SAMD5: variants seen among roughly 807,000 people sequenced by gnomAD.
The protein encoded by SAMD5 is sterile alpha motif domain-containing protein 5.
In SAMD5, 13 loss-of-function variants were observed where a neutral mutation model predicts 11.3. That is an observed-to-expected ratio of 1.15 (90% confidence interval 0.75 to 1.83). The LOEUF (loss-of-function observed/expected upper bound fraction) is 1.83, where lower values mean the gene tolerates loss of function less well. Ranked by LOEUF, SAMD5 falls within the 40% of genes most tolerant of loss-of-function variation. The pLI is 0.00. For synonymous variants in SAMD5, 129 were observed against 111.3 expected (o/e 1.16, Z -1.00); for missense variants, 255 against 239.1 (o/e 1.07, Z -0.44).
chr6:147,679,682 C>T (rs1790913583), intron 1 of SAMD5, among the ~76,000 whole-genome samples: 2 of 151,716 alleles, frequency 1.3e-5, no homozygotes, highest in Admixed American at 6.6e-5. Context: ...TCTTTCTTTT[C>T]TTTGATCATC....
At chr6:147,901,611 G>C in the SAMD5 span, among the ~76,000 whole-genome samples, 48 of 101,834 alleles carry the variant, frequency 4.7e-4, no homozygotes, top group South Asian at 0.016. Flanking sequence ...CCAGAAATCT[G>C]CCAGTTTTCT....
At chr6:147,798,973 A>C in the SAMD5 span, among the ~76,000 whole-genome samples, 1 of 152,114 alleles carries the variant, frequency 6.6e-6, no homozygotes, top group Admixed American at 6.5e-5. Context: ...TCTACACGTG[A>C]GATGGATTTC....
rs140932163 is a variant in SAMD5 at position 147,678,333 on chromosome 6, CT to C, written c.163-58982del. Among the ~76,000 whole-genome samples the C allele has an allele frequency of 6.6e-3, 1,002 of 152,184 alleles. 10 individuals are homozygous for C. The highest frequency in any genetic ancestry group is 0.023 in the African/African-American group (958 of 41,520). ...TCTCATTGTTATGCTGTTATAGTGT[CT>C]TCATATTTTAAGGAATTTGCAATCA... On this transcript the variant is annotated intron_variant, in intron 1 of 1. Transcript: ENST00000566741.
At chr6:147,777,288 C>A in the SAMD5 span, among the ~76,000 whole-genome samples, 1 of 152,060 alleles carries the variant, frequency 6.6e-6, no homozygotes, top group East Asian at 1.9e-4. Context: ...ATGAGTCTTT[C>A]AAGGGCAAGG....
chr6:147,879,347 C>T, the SAMD5 span, among the ~76,000 whole-genome samples: 5 of 152,184 alleles, frequency 3.3e-5, no homozygotes, highest in Non-Finnish European at 5.9e-5. Context: ...TGGACTCCTC[C>T]GAGAGCAGAG....
intron 1 of SAMD5, among the ~76,000 whole-genome samples, chr6:147,556,339 GC>G (rs1336818416): frequency 6.6e-6 from 1 of 152,188 alleles, no homozygotes; most frequent in Non-Finnish European, 1.5e-5. Flanking sequence ...TGATCCACCT[GC>G]CTCAGCCTCC....
chr6:147,613,349 G>A (rs1048910095), intron 1 of SAMD5, among the ~76,000 whole-genome samples: 3 of 151,686 alleles, frequency 2.0e-5, no homozygotes, highest in Admixed American at 6.6e-5. Context: ...AATGACTTCT[G>A]AGAGCCCCAC....
chr6:147,580,527 A>C (rs1478145788), intron 1 of SAMD5, among the ~76,000 whole-genome samples: 2 of 152,216 alleles, frequency 1.3e-5, no homozygotes, highest in East Asian at 3.8e-4. Flanking sequence ...GTAATGATGG[A>C]AATGTTCTAT....
chr6:147,569,920 C>G lies in SAMD5; in HGVS notation c.*5464C>G. 1 of 984,862 alleles carries G rather than the reference C, an allele frequency of 1.0e-6. No homozygotes were observed. Among genetic ancestry groups the G allele is most frequent in the Non-Finnish European group, 1.2e-6 (1 of 829,506 alleles). The allele number at this position is 984,862 out of a possible 1,614,324, so 61.0% of individuals were successfully genotyped here. ...CGTTATGAGAAGGCACTATGAAAAG[C>G]CTAATTGGAATAGCATTATGAACCA... On this transcript the variant is annotated 3_prime_UTR_variant, in exon 2 of 2. Coordinates refer to ENST00000367474, the MANE Select transcript of SAMD5 (RefSeq NM_001030060.3).
At chr6:147,858,040 A>C in the SAMD5 span, among the ~76,000 whole-genome samples, 1 of 152,158 alleles carries the variant, frequency 6.6e-6, no homozygotes, top group Non-Finnish European at 1.5e-5. Context: ...TCTCAGAGGC[A>C]TTTTTGTGGC....
intron 1 of SAMD5, among the ~76,000 whole-genome samples, chr6:147,629,226 C>T (rs1027119426): frequency 6.6e-6 from 1 of 152,120 alleles, no homozygotes; most frequent in Non-Finnish European, 1.5e-5. Context: ...AGGAGAATTC[C>T]TTGAACCCAG....
chr6:147,531,735 T>C (rs149665007), intron 1 of SAMD5, among the ~76,000 whole-genome samples: 488 of 152,370 alleles, frequency 3.2e-3, no homozygotes, highest in African/African-American at 0.011. Context: ...ATGAAGTTGA[T>C]AATGAGGGAT....
intron 1 of SAMD5, among the ~76,000 whole-genome samples, chr6:147,615,730 C>G (rs889912545): frequency 1.3e-5 from 2 of 152,148 alleles, no homozygotes; most frequent in Admixed American, 1.3e-4. Context: ...AAATGTGGGT[C>G]GGTATAAACA....
intron 1 of SAMD5, among the ~76,000 whole-genome samples, chr6:147,600,993 T>A (rs1789606523): frequency 6.6e-6 from 1 of 152,160 alleles, no homozygotes; most frequent in Non-Finnish European, 1.5e-5. Flanking sequence ...AAAACACAGG[T>A]GGGATGTTCT....
the SAMD5 span, among the ~76,000 whole-genome samples, chr6:147,896,295 C>G: frequency 2.0e-5 from 3 of 151,892 alleles, no homozygotes; most frequent in Non-Finnish European, 4.4e-5. Flanking sequence ...TCATGGAGCT[C>G]AGCATCACTG....
chr6:147,608,987 TAGAC>T (rs1583104864), intron 1 of SAMD5, among the ~76,000 whole-genome samples: 1 of 152,082 alleles, frequency 6.6e-6, no homozygotes, highest in Admixed American at 6.6e-5. Context: ...TTAAATAAAA[TAGAC>T]AGTGATCACT....
chr6:147,934,934 T>C, the SAMD5 span, among the ~76,000 whole-genome samples: 1 of 152,164 alleles, frequency 6.6e-6, no homozygotes, highest in Non-Finnish European at 1.5e-5. Context: ...AAGTTTGAAC[T>C]TCCCTCCTTG....
At chr6:147,891,281 G>A in the SAMD5 span, among the ~76,000 whole-genome samples, 1 of 152,106 alleles carries the variant, frequency 6.6e-6, no homozygotes, top group East Asian at 1.9e-4. Context: ...TGTATTATTT[G>A]TGTCATTATA....
In SAMD5 at chr6:147,566,530, G is replaced by A; in HGVS notation, c.*2074G>A. On this transcript the variant is annotated 3_prime_UTR_variant, in exon 2 of 2. Transcript: ENST00000367474. ...GAAAAATCTGTTATTTTCACTGTGG[G>A]CCTTATGAGGCAATCTACTGCAATG... The A allele has an allele frequency of 1.0e-6, 1 of 985,396 alleles. No individual in the cohort carries two copies. 61.0% of individuals were successfully genotyped at this position (985,396 alleles called of 1,614,324 possible).
Sources: allele counts gnomAD v4.1 joint callset (sites outside exome capture counted in the v4.1 genomes callset), GRCh38; gene constraint gnomAD v4.1.1; transcripts MANE v1.5; gene names NCBI Gene and HGNC (gene_info 2026-07-23, HGNC 2026-07-21).